The following DBF4 variants were observed in gnomAD, a reference collection of about 807,000 sequenced individuals.
The protein encoded by DBF4 is DBF4-CDC7 kinase regulatory subunit, also known as protein DBF4 homolog A.
DBF4 carries 25 observed loss-of-function variants against 76.6 expected under a neutral mutation model. The ratio of observed to expected loss-of-function variants is 0.33; its 90% CI spans 0.24 to 0.46. The LOEUF is 0.46. Ranked by LOEUF, DBF4 falls within the 20% of genes least tolerant of loss-of-function variation. The pLI, the probability that DBF4 is intolerant of heterozygous loss-of-function variation, is 1.00. For synonymous variants in DBF4, 213 were observed against 258.0 expected, an observed-to-expected ratio of 0.83 and a Z score of 1.67; for missense variants, 638 against 760.8, an observed-to-expected ratio of 0.84 and a Z score of 1.90.
chr7:87,883,606 G>T (rs941524496), intron 2 of DBF4, among the ~76,000 whole-genome samples: 1 of 152,056 alleles, frequency 6.6e-6, no homozygotes, highest in African/African-American at 2.4e-5. Flanking sequence ...ATAAATGTAG[G>T]TACATTATTT....
chr7:87,903,689 C>CT (rs56740998), intron 10 of DBF4, among the ~76,000 whole-genome samples: 16,914 of 98,134 alleles, frequency 0.17, 1,837 homozygotes, highest in Non-Finnish European at 0.21. Flanking sequence ...CTCTGTATCC[C>CT]TTTTTTTTTT....
chr7:87,877,081 TGCTCCCGGGCTCTC>T (rs1839075795), intron 1 of DBF4, among the ~76,000 whole-genome samples: 1 of 152,230 alleles, frequency 6.6e-6, no homozygotes, highest in African/African-American at 2.4e-5. Flanking sequence ...CGGCGCTGTC[TGCTCCCGGGCTCTC>T]GCATATGCTA....
chr7:87,908,048 A>C lies in DBF4; in HGVS notation c.1910A>C (p.Tyr637Ser). Residue 637 changes from tyrosine (Y) to serine (S), a missense_variant, in exon 12 of 12, where the codon TAC (tyrosine) becomes TCC (serine). Physicochemically the swap from Tyr to Ser is moderately radical, Grantham distance 144 (BLOSUM62 -2). Coordinates refer to ENST00000265728, the MANE Select transcript of DBF4 (RefSeq NM_006716.4). ...TCAGAATTTTTGGGTTTCACAAGCTACACAGAAAAGAGTGGTATATGCAAT... is the reference window on the plus strand; with the variant it reads ...TCAGAATTTTTGGGTTTCACAAGCTCCACAGAAAAGAGTGGTATATGCAAT... ...EKSEFLGFTS[Y>S]TEKSGICNVL... 6.2e-7 allele frequency: 1 copy of C among 1,613,796 alleles called. No individual in the cohort carries two copies. Among genetic ancestry groups the C allele is most frequent in the Non-Finnish European group, 8.5e-7 (1 of 1,179,776 alleles).
At chr7:87,886,526 C>T (rs1323206631) in intron 3 of DBF4, among the ~76,000 whole-genome samples, 1 of 91,920 alleles carries the variant, frequency 1.1e-5, no homozygotes, top group Non-Finnish European at 2.0e-5. Context: ...CACAGCAAGA[C>T]TTTGTCTCCA....
intron 1 of DBF4, among the ~76,000 whole-genome samples, chr7:87,877,335 T>A (rs1839091383): frequency 6.6e-6 from 1 of 152,246 alleles, no homozygotes; most frequent in South Asian, 2.1e-4. Context: ...AATTTCCATT[T>A]TCAGTCACTT....
intron 2 of DBF4, among the ~76,000 whole-genome samples, chr7:87,879,552 G>C (rs1384657582): frequency 1.3e-5 from 2 of 152,098 alleles, no homozygotes; most frequent in Non-Finnish European, 2.9e-5. Context: ...TAGAAACAAA[G>C]TACTTGAGGT....
intron 6 of DBF4, among the ~76,000 whole-genome samples, chr7:87,891,565 A>G (rs1253505825): frequency 2.6e-5 from 4 of 152,170 alleles, no homozygotes; most frequent in African/African-American, 9.7e-5. Context: ...TTGATGGGCA[A>G]AGAGTTGTTT....
rs531306564 is a variant in DBF4, at chr7:87,898,239, A to G, written c.680+900A>G. ...AAAAGTGTATTGAAAACTGCTTTTTATGAAATGTGTTGCTGTGAAGAAAAA... is the reference window on the plus strand; with the variant it reads ...AAAAGTGTATTGAAAACTGCTTTTTGTGAAATGTGTTGCTGTGAAGAAAAA... On this transcript the variant is annotated intron_variant, in intron 8 of 11. Coordinates refer to ENST00000265728, the MANE Select transcript of DBF4 (RefSeq NM_006716.4). Among the ~76,000 whole-genome samples the G allele has an allele frequency of 1.3e-5, 2 of 152,362 alleles. 1 individual carries two copies. Among genetic ancestry groups the G allele is most frequent in the African/African-American group, 4.8e-5 (2 of 41,586 alleles).
intron 8 of DBF4, 38 bp from the exon 9 acceptor site, chr7:87,900,183 A>T: frequency 6.7e-7 from 1 of 1,495,880 alleles, no homozygotes; most frequent in Admixed American, 2.0e-5. Flanking sequence ...TTCTTTAATC[A>T]TAAAGAATCT....
Position 87,907,551 on chromosome 7 carries a change from A to C in DBF4, c.1413A>C (p.Glu471Asp). The change falls in exon 12 of 12, where the codon GAA becomes GAC. Residue 471 changes from glutamate (E) to aspartate (D), a missense_variant. Physicochemically the swap from Glu to Asp is conservative, Grantham distance 45. Transcript: ENST00000265728. ...ACATTTCCGAACACACATTAAGTGA[A>C]AATGACTTAGAAGAACTAAGGGTAG... is the stretch of plus-strand genomic sequence containing the variant. The part of the protein sequence containing the change: ...ILDISEHTLS[E>D]NDLEELRVDH... 6.2e-7 allele frequency: 1 copy of C among 1,614,144 alleles called. No homozygotes were observed. The highest frequency in any genetic ancestry group is 1.1e-5 in the South Asian group (1 of 91,074).
intron 2 of DBF4, among the ~76,000 whole-genome samples, chr7:87,879,504 A>AT (rs1839158217): frequency 6.6e-6 from 1 of 152,188 alleles, no homozygotes; most frequent in East Asian, 1.9e-4. Flanking sequence ...TAATGTGTTA[A>AT]GGACCTTAGA....
intron 2 of DBF4, among the ~76,000 whole-genome samples, chr7:87,879,934 CAGTG>C (rs1416107925): frequency 2.1e-5 from 3 of 142,404 alleles, no homozygotes; most frequent in Non-Finnish European, 3.0e-5. Context: ...GTATGAGTGA[CAGTG>C]AGACCCTATG....
At chr7:87,900,954 C>A in intron 10 of DBF4, 76 bp downstream of exon 10, 1 of 1,191,928 alleles carries the variant, frequency 8.4e-7, no homozygotes, top group South Asian at 1.3e-5. Flanking sequence ...GCTTGTTATT[C>A]TGATGCAGAT....
chr7:87,895,218 TG>T (rs1454852574), intron 6 of DBF4, among the ~76,000 whole-genome samples: 1 of 152,226 alleles, frequency 6.6e-6, no homozygotes, highest in African/African-American at 2.4e-5. Context: ...CTATTATTTT[TG>T]TTTGGTTCTT....
chr7:87,897,801 G>A (rs1270061579), intron 8 of DBF4, among the ~76,000 whole-genome samples: 1 of 152,136 alleles, frequency 6.6e-6, no homozygotes, highest in Admixed American at 6.5e-5. Context: ...TTGAGATGGA[G>A]TCTTGCTCTG....
intron 11 of DBF4, among the ~76,000 whole-genome samples, chr7:87,905,208 C>T (rs892105132): frequency 5.9e-5 from 9 of 152,138 alleles, no homozygotes; most frequent in Non-Finnish European, 8.8e-5. Flanking sequence ...TTTTGTGAGC[C>T]GTAAGATCTC....
intron 10 of DBF4, among the ~76,000 whole-genome samples, chr7:87,902,193 T>C (rs1396184349): frequency 1.3e-5 from 2 of 152,252 alleles, no homozygotes; most frequent in Non-Finnish European, 2.9e-5. Flanking sequence ...AAAAAATTGT[T>C]CAGTGGTTGC....
At chr7:87,903,351 C>G (rs139415938) in intron 10 of DBF4, among the ~76,000 whole-genome samples, 1 of 152,326 alleles carries the variant, frequency 6.6e-6, no homozygotes, top group Non-Finnish European at 1.5e-5. Context: ...AGTGCTAGGA[C>G]TACAGGCGTA....
chr7:87,907,256 A>G lies in DBF4; in HGVS notation c.1118A>G (p.Glu373Gly). ...GTCCTGAAAAAGACTGAACAAAAGG[A>G]AAAAGTGGAATTGCAACATATTTCT... is the stretch of plus-strand genomic sequence containing the variant. ...ASVLKKTEQK[E>G]KVELQHISQK... The change falls in exon 12 of 12, where the codon GAA (glutamate) becomes GGA (glycine). Residue 373 changes from glutamate to glycine, a missense_variant. Coordinates refer to ENST00000265728, the MANE Select transcript of DBF4 (RefSeq NM_006716.4). 2 of 1,613,700 alleles carry G rather than the reference A, an allele frequency of 1.2e-6. No homozygotes were observed. The highest frequency in any genetic ancestry group is 3.3e-4 in the Middle Eastern group (2 of 6,048).
Sources: allele counts gnomAD v4.1 joint callset (sites outside exome capture counted in the v4.1 genomes callset), GRCh38; gene constraint gnomAD v4.1.1; transcripts MANE v1.5; gene names NCBI Gene and HGNC (gene_info 2026-07-23, HGNC 2026-07-21).